The following RPAP2 variants were observed in gnomAD, a reference collection of about 807,000 sequenced individuals.
The protein encoded by RPAP2 is putative RNA polymerase II subunit B1 CTD phosphatase RPAP2.
A neutral mutation model predicts 73.1 loss-of-function variants in RPAP2; 52 were observed. The ratio of observed to expected loss-of-function variants is 0.71; its 90% CI spans 0.57 to 0.90. The LOEUF (loss-of-function observed/expected upper bound fraction) is 0.90, where lower values mean the gene tolerates loss of function less well. Ranked by LOEUF, RPAP2 falls within the 40% of genes least tolerant of loss-of-function variation. The pLI is 0.00. For missense variants in RPAP2, 598 were observed against 701.8 expected (o/e 0.85, Z 1.67); for synonymous variants, 225 against 242.1 (o/e 0.93, Z 0.65).
In RPAP2 at chr1:92,399,128, G is replaced by C. The variant is rs1656254928; in HGVS notation, c.*12117G>C. ...TTTAAATGAGCTGGCCTCACCTCTG[G>C]GGCCTATGAAGAAAAGCCTGCTTCA... On this transcript the variant is annotated 3_prime_UTR_variant, in exon 13 of 13. Transcript: ENST00000610020. 1 of 152,184 alleles carries C rather than the reference G, an allele frequency of 6.6e-6. No individual in the cohort carries two copies. The highest frequency in any genetic ancestry group is 1.5e-5 in the Non-Finnish European group (1 of 68,046). 9.4% of individuals were successfully genotyped at this position (152,184 alleles called of 1,614,324 possible). A position where few individuals can be genotyped will look rare whatever the true frequency, so the allele number is the denominator to read the frequency against.
intron 8 of RPAP2, among the ~76,000 whole-genome samples, chr1:92,331,493 T>A (rs1268624995): frequency 6.6e-6 from 1 of 152,178 alleles, no homozygotes; most frequent in African/African-American, 2.4e-5. Flanking sequence ...ATATACTCTT[T>A]TACTGATCAT....
chr1:92,337,670 T>G (rs1653355485), intron 10 of RPAP2, among the ~76,000 whole-genome samples: 1 of 152,122 alleles, frequency 6.6e-6, no homozygotes, highest in African/African-American at 2.4e-5. Context: ...TTCTCTAAGT[T>G]TTATCTTAAC....
chr1:92,336,340 T>C lies in RPAP2; in HGVS notation c.1539-7T>C. On this transcript the variant is annotated splice_polypyrimidine_tract_variant and splice_region_variant and intron_variant, in intron 9 of 12. Transcript: ENST00000610020. ...TTTTAAAATAAATGTAATTTTTAAATTTTCAGGTTGCCTGGGCTTCTGGTT... is the reference window on the plus strand; with the variant it reads ...TTTTAAAATAAATGTAATTTTTAAACTTTCAGGTTGCCTGGGCTTCTGGTT... 6.3e-7 allele frequency: 1 copy of C among 1,598,566 alleles called. No individual in the cohort carries two copies. Among genetic ancestry groups the C allele is most frequent in the East Asian group, 2.2e-5 (1 of 44,660 alleles).
intron 6 of RPAP2, 65 bp from the exon 7 acceptor site, chr1:92,320,534 T>C: frequency 7.4e-7 from 1 of 1,352,276 alleles, no homozygotes; most frequent in Non-Finnish European, 1.1e-6. Context: ...CCTCCGAAAG[T>C]GCTGGGGTTA....
Position 92,317,082 on chromosome 1 carries a change from T to C in RPAP2, c.489-3517T>C, listed in dbSNP as rs534080947. Among the ~76,000 whole-genome samples, 284 of 152,324 alleles carry C rather than the reference T, an allele frequency of 1.9e-3. 1 individual carries two copies. Among genetic ancestry groups the C allele is most frequent in the African/African-American group, 6.1e-3 (254 of 41,566 alleles). On this transcript the variant is annotated intron_variant, in intron 6 of 12. Transcript: ENST00000610020. ...TCCTTGCAACTTTTTTGGGTCTTTTTCTAACACTAAATAGAGGCAACAGGA... is the reference window on the plus strand; with the variant it reads ...TCCTTGCAACTTTTTTGGGTCTTTTCCTAACACTAAATAGAGGCAACAGGA...
chr1:92,380,741 G>A lies in RPAP2; in HGVS notation c.1706G>A (p.Gly569Asp), dbSNP rs1655592492. The part of the protein sequence containing the change: ...VLLSLLTPIL[G>D]IQKHSQEGMV... ...TGTTTCAGACTGACCCCAATTCTTG[G>A]CATTCAGAAACATTCTCAGGAAGGT... is the stretch of plus-strand genomic sequence containing the variant. The change falls in exon 12 of 13, where the codon GGC becomes GAC. Residue 569 changes from glycine (G) to aspartate (D), a missense_variant. Transcript: ENST00000610020. 1.3e-6 allele frequency: 2 copies of A among 1,584,040 alleles called. No individual in the cohort carries two copies. Among genetic ancestry groups the A allele is most frequent in the African/African-American group, 1.4e-5 (1 of 72,688 alleles).
At position 92,399,749 on chromosome 1, in the gene RPAP2, C is replaced by A. The variant is rs1341898515; in HGVS notation, c.*12738C>A. On this transcript the variant is annotated 3_prime_UTR_variant, in exon 13 of 13. Coordinates refer to ENST00000610020, the MANE Select transcript of RPAP2 (RefSeq NM_024813.3). ...ACATCCTTACCTCTTATCCTTCTCACATCGTCCCATTAACACATTATCCAT... is the reference window on the plus strand; with the variant it reads ...ACATCCTTACCTCTTATCCTTCTCAAATCGTCCCATTAACACATTATCCAT... 1 of 152,186 alleles carries A rather than the reference C, an allele frequency of 6.6e-6. No homozygotes were observed. Among genetic ancestry groups the A allele is most frequent in the African/African-American group, 2.4e-5 (1 of 41,458 alleles). 9.4% of individuals were successfully genotyped at this position (152,186 alleles called of 1,614,324 possible). A position where few individuals can be genotyped will look rare whatever the true frequency, so the allele number is the denominator to read the frequency against.
intron 8 of RPAP2, among the ~76,000 whole-genome samples, chr1:92,327,383 T>A (rs1197669402): frequency 6.6e-6 from 1 of 152,266 alleles, no homozygotes. Flanking sequence ...TATTTTCCTA[T>A]TGGACTAGTC....
intron 10 of RPAP2, among the ~76,000 whole-genome samples, chr1:92,344,899 CA>C (rs1452555767): frequency 1.3e-5 from 2 of 152,032 alleles, no homozygotes; most frequent in Admixed American, 1.3e-4. Flanking sequence ...TATCCTTTAC[CA>C]TTTATGTATT....
chr1:92,307,348 CTGAGAG>C (rs1651311268), intron 6 of RPAP2, 72 bp downstream of exon 6: 4 of 1,031,198 alleles, frequency 3.9e-6, no homozygotes, highest in Admixed American at 5.0e-5. Context: ...TTGAGATTAG[CTGAGAG>C]TAAGTCTAGT....
At chr1:92,356,541 T>G (rs1571118286) in intron 11 of RPAP2, among the ~76,000 whole-genome samples, 1 of 150,514 alleles carries the variant, frequency 6.6e-6, no homozygotes, top group African/African-American at 2.4e-5. Context: ...GCCTCAGCCT[T>G]CCAAGTAGCT....
At chr1:92,343,144 G>A (rs74622051) in intron 10 of RPAP2, among the ~76,000 whole-genome samples, 2,035 of 152,262 alleles carry the variant, frequency 0.013, 46 homozygotes, top group African/African-American at 0.047. Context: ...GTATTAAAAG[G>A]TCCAAGGAGA....
intron 11 of RPAP2, among the ~76,000 whole-genome samples, chr1:92,349,146 A>G (rs376817584): frequency 3.3e-5 from 5 of 152,220 alleles, no homozygotes; most frequent in East Asian, 3.8e-4. Context: ...CAAATTTCCA[A>G]TGGAATTTTT....
intron 6 of RPAP2, among the ~76,000 whole-genome samples, chr1:92,317,607 T>C (rs1257863869): frequency 6.6e-6 from 1 of 152,170 alleles, no homozygotes; most frequent in Admixed American, 6.6e-5. Context: ...GAAAAAGTGC[T>C]GGAGATGCAT....
chr1:92,362,136 T>C (rs755794060), intron 11 of RPAP2, among the ~76,000 whole-genome samples: 36 of 152,184 alleles, frequency 2.4e-4, no homozygotes, highest in Non-Finnish European at 4.7e-4. Context: ...ATGAAAGTTA[T>C]AAGGAGAAAA....
chr1:92,323,706 C>A lies in RPAP2; in HGVS notation c.786C>A (p.Asp262Glu), dbSNP rs1463944420. 9 of 1,613,912 alleles carry A rather than the reference C, an allele frequency of 5.6e-6. No individual in the cohort carries two copies. Among genetic ancestry groups the A allele is most frequent in the African/African-American group, 2.7e-5 (2 of 74,918 alleles). Residue 262 changes from aspartate to glutamate, a missense_variant, in exon 8 of 13, where the codon GAC (aspartate) becomes GAA (glutamate). By Grantham distance (45) the Asp-to-Glu change is conservative. Coordinates refer to ENST00000610020, the MANE Select transcript of RPAP2 (RefSeq NM_024813.3). ...AGHKANSKHK[D>E]KEQTVVDVTE... is the part of the protein sequence containing the mutation. ...ACAAAGCTAACTCCAAACACAAAGA[C>A]AAAGAACAGACAGTAGTAGATGTCA... is the stretch of plus-strand genomic sequence containing the variant.
intron 5 of RPAP2, among the ~76,000 whole-genome samples, chr1:92,306,789 G>C (rs1651267619): frequency 6.6e-6 from 1 of 152,104 alleles, no homozygotes. Context: ...CAGTGAGTGA[G>C]ACCCTGTCCC....
At position 92,390,798 on chromosome 1, in the gene RPAP2, A is replaced by G. The variant is rs536076940; in HGVS notation, c.*3787A>G. On this transcript the variant is annotated 3_prime_UTR_variant, in exon 13 of 13. Coordinates refer to ENST00000610020, the MANE Select transcript of RPAP2 (RefSeq NM_024813.3). ...CAACAAAGATCAAAAGAGACAAAGA[A>G]GGTCATTACATAATGGTAAAGGGAT... The G allele has an allele frequency of 6.6e-6, 1 of 152,348 alleles. No homozygotes were observed. The highest frequency in any genetic ancestry group is 1.9e-4 in the East Asian group (1 of 5,190). The allele number at this position is 152,348 out of a possible 1,614,324, so 9.4% of individuals were successfully genotyped here.
At position 92,396,634 on chromosome 1, in the gene RPAP2, ATGTG is replaced by A. The variant is rs34824136; in HGVS notation, c.*9644_*9647del. 0.14 allele frequency: 20,636 copies of A among 149,922 alleles called. 1,819 individuals are homozygous for A. Among genetic ancestry groups the A allele is most frequent in the Non-Finnish European group, 0.2 (13,204 of 67,522 alleles). 9.3% of individuals were successfully genotyped at this position (149,922 alleles called of 1,614,324 possible). On this transcript the variant is annotated 3_prime_UTR_variant, in exon 13 of 13. Coordinates refer to ENST00000610020, the MANE Select transcript of RPAP2 (RefSeq NM_024813.3). ...AAGTTGTAATTTTTGCACAACTTTT[ATGTG>A]TGTGTGTGTGTGTGTGTGTGAGATG... is the stretch of plus-strand genomic sequence containing the variant.
Sources: gnomAD v4.1 joint callset for allele counts (sites outside exome capture counted in the v4.1 genomes callset) on GRCh38, gnomAD v4.1.1 for gene constraint, MANE v1.5 for transcripts, NCBI Gene and HGNC (gene_info 2026-07-23, HGNC 2026-07-21) for gene names.